Variants in CACNA1C observed in about 807,000 individuals in gnomAD.
CACNA1C encodes voltage-dependent L-type calcium channel subunit alpha-1C.
CACNA1C carries 30 observed loss-of-function variants against 229.0 expected under a neutral mutation model. The observed-to-expected ratio is 0.13, with a 90% confidence interval of 0.10 to 0.18. CACNA1C has a LOEUF of 0.18. Among genes scored for constraint, CACNA1C ranks in the 10% least tolerant of loss-of-function variants. The pLI is 1.00. For missense variants in CACNA1C, 1,658 were observed against 2,845.0 expected, an observed-to-expected ratio of 0.58 and a Z score of 9.49; for synonymous variants, 1,114 against 1,132.5, an observed-to-expected ratio of 0.98 and a Z score of 0.33.
At chr12:2,120,630 A>C (rs556578164) in intron 3 of CACNA1C, among the ~76,000 whole-genome samples, 200 bp downstream of exon 3, 1 of 150,354 alleles carries the variant, frequency 6.7e-6, no homozygotes, top group Admixed American at 6.6e-5. Context: ...TTCCAAAAGA[A>C]TATTCCAGTT....
At chr12:2,065,113 C>T (rs1042151840) in intron 1 of CACNA1C, among the ~76,000 whole-genome samples, 1 of 152,216 alleles carries the variant, frequency 6.6e-6, no homozygotes, top group Admixed American at 6.5e-5. Flanking sequence ...TGGAATGTTG[C>T]ACAGCATTTC....
intron 4 of CACNA1C, 85 bp downstream of exon 4, chr12:2,449,200 T>A: frequency 9.7e-7 from 1 of 1,027,102 alleles, no homozygotes; most frequent in Non-Finnish European, 1.4e-6. Context: ...AGGGTCGTTG[T>A]CAGACGGCCA....
In CACNA1C at chr12:2,486,096, C is replaced by T. The variant is rs1597759154; in HGVS notation, c.758-8C>T. On this transcript the variant is annotated splice_polypyrimidine_tract_variant and splice_region_variant and intron_variant, in intron 5 of 46. Transcript: ENST00000399655. This position sits in a 1 kb window ranked among gnomAD's most constrained non-coding sequence, Gnocchi z 4.9. ...TGCTTGGTTCAGTGAGTGGCTCTGT[C>T]CCCGCAGGTCTCCAGGTGGTCCTGA... is the stretch of plus-strand genomic sequence containing the variant. The T allele has an allele frequency of 3.1e-6, 5 of 1,593,578 alleles. No individual in the cohort carries two copies. Among genetic ancestry groups the T allele is most frequent in the Non-Finnish European group, 4.3e-6 (5 of 1,168,790 alleles).
At chr12:2,148,712 C>T (rs911075876) in intron 3 of CACNA1C, among the ~76,000 whole-genome samples, 3 of 150,968 alleles carry the variant, frequency 2.0e-5, no homozygotes, top group Admixed American at 6.7e-5. Flanking sequence ...CTACACCCGG[C>T]GAGTTTTTGT....
At chr12:2,204,433 C>T (rs2154327046) in intron 3 of CACNA1C, among the ~76,000 whole-genome samples, 1 of 151,852 alleles carries the variant, frequency 6.6e-6, no homozygotes, top group South Asian at 2.1e-4. Context: ...CCCAGCCATC[C>T]CATTACTGGA....
chr12:2,255,406 G>T (rs767709675), intron 3 of CACNA1C, among the ~76,000 whole-genome samples: 2 of 152,156 alleles, frequency 1.3e-5, no homozygotes, highest in Non-Finnish European at 2.9e-5. Context: ...CCTAGATCCA[G>T]GTCCATTTAC....
Position 2,136,167 on chromosome 12 carries a change from G to A in CACNA1C, c.477+15737G>A, listed in dbSNP as rs760235567. The stretch of plus-strand genomic sequence containing the variant: ...GCAATGCCTCGCCCTGCTTTGGCTC[G>A]CGCACCCACTGGCCTGCGCCCACTG... On this transcript the variant is annotated intron_variant, in intron 3 of 46. Coordinates refer to ENST00000399655, the MANE Select transcript of CACNA1C (RefSeq NM_000719.7). Among the ~76,000 whole-genome samples, 18 of 151,438 alleles carry A rather than the reference G, an allele frequency of 1.2e-4. 2 individuals carry two copies. The highest frequency in any genetic ancestry group is 1.4e-4 in the African/African-American group (6 of 41,488).
At chr12:2,273,817 G>C (rs1053152036) in intron 3 of CACNA1C, among the ~76,000 whole-genome samples, 18 of 152,352 alleles carry the variant, frequency 1.2e-4, no homozygotes, top group African/African-American at 3.6e-4. Context: ...GCTTGGTTAG[G>C]GGGCAGAGAA....
At chr12:2,191,209 A>G (rs1452294202) in intron 3 of CACNA1C, among the ~76,000 whole-genome samples, 1 of 152,140 alleles carries the variant, frequency 6.6e-6, no homozygotes, top group African/African-American at 2.4e-5. Flanking sequence ...GAGCAGGGGC[A>G]TGAGAAGAGC....
intron 3 of CACNA1C, among the ~76,000 whole-genome samples, chr12:2,149,292 T>C (rs1264534186): frequency 6.6e-6 from 1 of 152,154 alleles, no homozygotes; most frequent in Non-Finnish European, 1.5e-5. Flanking sequence ...GTGTGAAGAA[T>C]CAAGCTGAGT....
intron 3 of CACNA1C, among the ~76,000 whole-genome samples, chr12:2,312,996 G>A (rs1196211304): frequency 2.6e-5 from 4 of 152,158 alleles, no homozygotes; most frequent in East Asian, 3.9e-4. Flanking sequence ...AGCTTTGGGT[G>A]TGTCTATGTC....
At position 2,674,800 on chromosome 12, in the gene CACNA1C, T is replaced by G. The variant is rs533284378; in HGVS notation, c.4828+158T>G. On this transcript the variant is annotated intron_variant, in intron 39 of 46. Transcript: ENST00000399655. ...TTGCTGGAGGTCTGCCTTCAGACCC[T>G]TCCTGTGGGGCTCAGAGGCCCTGTT... Among the ~76,000 whole-genome samples the G allele has an allele frequency of 3.9e-5, 6 of 152,288 alleles. No individual in the cohort carries two copies. The South Asian group carries it at 1.0e-3, about 26-fold the overall frequency.
chr12:2,294,411 C>T (rs543417548), intron 3 of CACNA1C, among the ~76,000 whole-genome samples: 247 of 151,604 alleles, frequency 1.6e-3, no homozygotes, highest in African/African-American at 5.4e-3. Flanking sequence ...AGTCAAAGCA[C>T]GAAGGCCTTG....
At chr12:2,239,508 C>T (rs1346048909) in intron 3 of CACNA1C, among the ~76,000 whole-genome samples, 1 of 152,176 alleles carries the variant, frequency 6.6e-6, no homozygotes. Flanking sequence ...CTCTCTCCAC[C>T]CAGCTGCTGG....
At chr12:2,326,574 A>G (rs1592902968) in intron 3 of CACNA1C, among the ~76,000 whole-genome samples, 2 of 152,256 alleles carry the variant, frequency 1.3e-5, no homozygotes. Context: ...TACAGGAGCT[A>G]TTTTCCAGGA....
chr12:2,066,251 G>A (rs2059214266), intron 1 of CACNA1C, among the ~76,000 whole-genome samples: 1 of 152,064 alleles, frequency 6.6e-6, no homozygotes, highest in Non-Finnish European at 1.5e-5. Context: ...CATGCACGCA[G>A]AATTAGAGTT....
At chr12:2,119,306 C>T (rs190984133) in intron 2 of CACNA1C, among the ~76,000 whole-genome samples, 18 of 152,344 alleles carry the variant, frequency 1.2e-4, no homozygotes, top group African/African-American at 4.3e-4. Flanking sequence ...TCTTCCTCCT[C>T]CTCCTCCTGT....
At chr12:2,435,571 G>A (rs1315048835) in intron 3 of CACNA1C, among the ~76,000 whole-genome samples, 2 of 152,184 alleles carry the variant, frequency 1.3e-5, no homozygotes, top group Non-Finnish European at 2.9e-5. Flanking sequence ...AAGAAGGGTG[G>A]CCTCTGCAGC....
intron 3 of CACNA1C, among the ~76,000 whole-genome samples, chr12:2,174,515 A>G (rs993673270): frequency 1.3e-5 from 2 of 152,230 alleles, no homozygotes; most frequent in African/African-American, 4.8e-5. Flanking sequence ...CAACAGTTAT[A>G]AACAGTTGCT....
Sources: gnomAD v4.1 joint callset for allele counts (sites outside exome capture counted in the v4.1 genomes callset) on GRCh38, gnomAD v4.1.1 for gene constraint, Gnocchi (gnomAD v3.1) non-coding constraint, MANE v1.5 for transcripts, NCBI Gene and HGNC (gene_info 2026-07-23, HGNC 2026-07-21) for gene names.